The following NRG1 variants were observed in gnomAD, a reference collection of about 807,000 sequenced individuals.
NRG1 encodes the protein neuregulin 1.
A neutral mutation model predicts 63.8 loss-of-function variants in NRG1; 18 were observed. The ratio of observed to expected loss-of-function variants is 0.28; its 90% CI spans 0.19 to 0.42. NRG1 has a LOEUF of 0.42. NRG1 is among the 10% of genes least tolerant of loss of function. The pLI, the probability that NRG1 is intolerant of heterozygous loss-of-function variation, is 1.00. For synonymous variants in NRG1, 302 were observed against 301.3 expected, an observed-to-expected ratio of 1.00 and a Z score of -0.02; for missense variants, 762 against 814.7, an observed-to-expected ratio of 0.94 and a Z score of 0.79.
chr8:32,472,789 C>G (rs1410023691), intron 1 of NRG1, among the ~76,000 whole-genome samples: 1 of 152,156 alleles, frequency 6.6e-6, no homozygotes, highest in Non-Finnish European at 1.5e-5. Context: ...TGCGGGTTCC[C>G]CACCTCCCCC....
At chr8:32,066,850 C>G (rs546315267) in intron 1 of NRG1, among the ~76,000 whole-genome samples, 1 of 151,900 alleles carries the variant, frequency 6.6e-6, no homozygotes, top group South Asian at 2.1e-4. Flanking sequence ...TGTTTGTATC[C>G]TCTTTTATTT....
At chr8:32,372,914 G>A (rs1397462124) in intron 1 of NRG1, among the ~76,000 whole-genome samples, 2 of 152,238 alleles carry the variant, frequency 1.3e-5, no homozygotes, top group Non-Finnish European at 2.9e-5. Flanking sequence ...GGAGAGGGAA[G>A]GCGAGTGACA....
chr8:32,128,889 T>C (rs1165466599), intron 1 of NRG1, among the ~76,000 whole-genome samples: 2 of 151,942 alleles, frequency 1.3e-5, no homozygotes, highest in African/African-American at 4.8e-5. Context: ...TCTCTTTTGC[T>C]TTTCAGAGCT....
At chr8:32,541,496 G>C (rs999803706) in intron 1 of NRG1, among the ~76,000 whole-genome samples, 1 of 111,338 alleles carries the variant, frequency 9.0e-6, no homozygotes, top group African/African-American at 3.3e-5. Context: ...TGTCTCTTAT[G>C]GAACATACAG....
chr8:32,132,800 T>A (rs1835009883), intron 1 of NRG1, among the ~76,000 whole-genome samples: 1 of 152,148 alleles, frequency 6.6e-6, no homozygotes, highest in African/African-American at 2.4e-5. Context: ...CTTCCTGTTT[T>A]CACTTAAAAC....
At chr8:31,886,887 C>T (rs913905495) in intron 1 of NRG1, among the ~76,000 whole-genome samples, 1 of 152,012 alleles carries the variant, frequency 6.6e-6, no homozygotes, top group African/African-American at 2.4e-5. Context: ...TAAACTCAGG[C>T]TGCAGTTGAT....
rs1195689984 is a variant in NRG1 at position 32,193,558 on chromosome 8, C to T, written c.38-402270C>T. ...TATTCAGAAAAGCACGTTAAACCAT[C>T]GTCAGCAGCATGTGATTGCAGAACA... On this transcript the variant is annotated intron_variant, in intron 1 of 10. Coordinates refer to the NRG1 transcript ENST00000519301. Among the ~76,000 whole-genome samples, 2 of 152,228 alleles carry T rather than the reference C, an allele frequency of 1.3e-5. 1 individual carries two copies. Among genetic ancestry groups the T allele is most frequent in the South Asian group, 4.1e-4 (2 of 4,820 alleles).
At chr8:32,743,058 T>G in intron 7 of NRG1, 1 of 1,111,502 alleles carries the variant, frequency 9.0e-7, no homozygotes, top group Non-Finnish European at 1.1e-6. Flanking sequence ...AAGTCTCACT[T>G]TTATTGATAA....
chr8:32,488,208 C>T (rs1432994869), intron 1 of NRG1, among the ~76,000 whole-genome samples: 2 of 152,146 alleles, frequency 1.3e-5, no homozygotes, highest in African/African-American at 2.4e-5. Flanking sequence ...AGTTTCCAAT[C>T]ACTCACTCAC....
At chr8:32,013,377 A>G (rs1476839274) in intron 1 of NRG1, among the ~76,000 whole-genome samples, 1 of 152,166 alleles carries the variant, frequency 6.6e-6, no homozygotes, top group African/African-American at 2.4e-5. Flanking sequence ...AAGTGATCCC[A>G]GTGATGTCAT....
intron 1 of NRG1, chr8:32,139,235 C>G (rs1208268887): frequency 6.6e-6 from 1 of 152,178 alleles, no homozygotes; most frequent in Non-Finnish European, 1.5e-5. Context: ...AGTCTTTATT[C>G]AAGATCAAGT....
chr8:31,926,592 C>T (rs1351930458), intron 1 of NRG1, among the ~76,000 whole-genome samples: 1 of 152,064 alleles, frequency 6.6e-6, no homozygotes, highest in Non-Finnish European at 1.5e-5. Context: ...TTTTTCTGAA[C>T]AACAATATCC....
chr8:31,974,383 T>G (rs1807815707), intron 1 of NRG1, among the ~76,000 whole-genome samples: 1 of 152,154 alleles, frequency 6.6e-6, no homozygotes, highest in Non-Finnish European at 1.5e-5. Context: ...TTGCCCAAGC[T>G]GATCTCAGAC....
intron 1 of NRG1, among the ~76,000 whole-genome samples, chr8:32,057,689 T>C (rs926634907): frequency 2.0e-5 from 3 of 152,186 alleles, no homozygotes; most frequent in African/African-American, 7.2e-5. Context: ...TTTCAGTCTT[T>C]TTGAACTTTT....
intron 1 of NRG1, among the ~76,000 whole-genome samples, chr8:32,230,584 GA>G (rs1846818825): frequency 6.6e-6 from 1 of 152,050 alleles, no homozygotes; most frequent in African/African-American, 2.4e-5. Context: ...ATCAAATATA[GA>G]AACAAGAGAT....
intron 1 of NRG1, among the ~76,000 whole-genome samples, chr8:32,314,617 G>T (rs1374316967): frequency 1.3e-5 from 2 of 152,172 alleles, no homozygotes; most frequent in Non-Finnish European, 2.9e-5. Context: ...TCTTTCCAAA[G>T]AGATTCATTA....
At chr8:31,801,854 T>C (rs1005267845) in intron 1 of NRG1, among the ~76,000 whole-genome samples, 1 of 152,226 alleles carries the variant, frequency 6.6e-6, no homozygotes, top group African/African-American at 2.4e-5. Context: ...CATTAGCAGG[T>C]CATTCATCCC....
intron 1 of NRG1, among the ~76,000 whole-genome samples, chr8:31,988,012 G>A (rs180813333): frequency 2.5e-4 from 38 of 152,084 alleles, no homozygotes; most frequent in Admixed American, 1.3e-3. Flanking sequence ...CTTTCATTTC[G>A]GTGCTTGTTC....
At chr8:32,607,993 T>A (rs531047255) in intron 3 of NRG1, among the ~76,000 whole-genome samples, 1 of 152,092 alleles carries the variant, frequency 6.6e-6, no homozygotes, top group African/African-American at 2.4e-5. Context: ...AACCCCTTCA[T>A]TGTATTAAAA....
Sources: gnomAD v4.1 joint callset for allele counts (sites outside exome capture counted in the v4.1 genomes callset) on GRCh38, gnomAD v4.1.1 for gene constraint, MANE v1.5 for transcripts, NCBI Gene and HGNC (gene_info 2026-07-23, HGNC 2026-07-21) for gene names.